Variants in CFAP70 observed in about 807,000 individuals in gnomAD.
CFAP70 encodes the protein cilia and flagella associated protein 70.
Under a neutral mutation model 137.6 loss-of-function variants are expected in CFAP70, and 81 were observed. The observed-to-expected ratio is 0.59, with a 90% CI of 0.49 to 0.71. The LOEUF (loss-of-function observed/expected upper bound fraction) is 0.71, where lower values mean the gene tolerates loss of function less well. Among genes scored for constraint, CFAP70 ranks in the 30% least tolerant of loss-of-function variants. The pLI is 0.00. For synonymous variants in CFAP70, 382 were observed against 423.6 expected, an observed-to-expected ratio of 0.90 and a Z score of 1.20; for missense variants, 976 against 1,226.7, an observed-to-expected ratio of 0.80 and a Z score of 3.05.
At chr10:73,330,691 C>T (rs1337717421) in intron 8 of CFAP70, among the ~76,000 whole-genome samples, 1 of 151,960 alleles carries the variant, frequency 6.6e-6, no homozygotes, top group Non-Finnish European at 1.5e-5. Flanking sequence ...TACTACATGA[C>T]CCCTACTCTC....
At chr10:73,254,935 A>T (rs1480870821) in intron 26 of CFAP70, among the ~76,000 whole-genome samples, 2 of 152,292 alleles carry the variant, frequency 1.3e-5, no homozygotes, top group East Asian at 3.9e-4. Context: ...TGTTTAAACC[A>T]CTGTCTTTCA....
intron 12 of CFAP70, among the ~76,000 whole-genome samples, chr10:73,304,997 T>C (rs931564430): frequency 3.3e-5 from 5 of 152,236 alleles, no homozygotes; most frequent in Admixed American, 1.3e-4. Context: ...CATTTTTACT[T>C]GCTCTTGCTC....
At chr10:73,293,427 C>A in intron 15 of CFAP70, 39 bp from the exon 17 acceptor site, 1 of 1,532,384 alleles carries the variant, frequency 6.5e-7, no homozygotes. Flanking sequence ...AAAAATGAAA[C>A]AATTACAAGT....
upstream of CFAP70, among the ~76,000 whole-genome samples, chr10:73,359,909 C>A (rs1361222348): frequency 6.6e-6 from 1 of 151,822 alleles, no homozygotes; most frequent in African/African-American, 2.4e-5. Flanking sequence ...AAAAAACACA[C>A]ACACACACAC....
At chr10:73,317,949 T>C (rs1161538834) in intron 9 of CFAP70, among the ~76,000 whole-genome samples, 1 of 152,172 alleles carries the variant, frequency 6.6e-6, no homozygotes, top group Non-Finnish European at 1.5e-5. Flanking sequence ...GAGATCTGCT[T>C]GTTAAAAAGT....
At chr10:73,288,430 A>G (rs1166034642) in intron 19 of CFAP70, among the ~76,000 whole-genome samples, 20 of 152,180 alleles carry the variant, frequency 1.3e-4, no homozygotes, top group Admixed American at 1.3e-3. Context: ...CCTGTCTAAT[A>G]TATCTCAGGT....
At chr10:73,274,346 A>G (rs1232062718) in intron 23 of CFAP70, 87 bp downstream of exon 24, 2 of 1,356,664 alleles carry the variant, frequency 1.5e-6, no homozygotes, top group East Asian at 2.6e-5. Flanking sequence ...TTATATTACT[A>G]GTTTTAGTCC....
intron 19 of CFAP70, among the ~76,000 whole-genome samples, chr10:73,282,365 T>C (rs1294923019): frequency 6.6e-6 from 1 of 151,576 alleles, no homozygotes; most frequent in Non-Finnish European, 1.5e-5. Flanking sequence ...AAAACATGAA[T>C]GTCACACACA....
chr10:73,345,380 G>A (rs2053617878), intron 4 of CFAP70, 136 bp from the exon 6 acceptor site: 2 of 786,784 alleles, frequency 2.5e-6, no homozygotes, highest in Admixed American at 5.5e-5. Context: ...TTGAAACCAT[G>A]TTCTCTAAGT....
upstream of CFAP70, among the ~76,000 whole-genome samples, chr10:73,362,653 C>A (rs1178703096): frequency 6.6e-6 from 1 of 152,056 alleles, no homozygotes; most frequent in Non-Finnish European, 1.5e-5. Flanking sequence ...GAATTTATTA[C>A]TTCTAGCAGT....
intron 4 of CFAP70, among the ~76,000 whole-genome samples, chr10:73,346,422 G>C (rs1277414865): frequency 6.6e-6 from 1 of 151,754 alleles, no homozygotes; most frequent in Non-Finnish European, 1.5e-5. Flanking sequence ...TATTACCTGA[G>C]GTCAGGAGTT....
chr10:73,257,003 A>G (rs2044590645), intron 25 of CFAP70, among the ~76,000 whole-genome samples: 1 of 151,916 alleles, frequency 6.6e-6, no homozygotes, highest in Admixed American at 6.6e-5. Context: ...ACCATGAGTC[A>G]TTTGTTCCTC....
At chr10:73,358,698 G>A (rs2054868256) in intron 1 of CFAP70, 80 bp downstream of exon 1, 2 of 152,524 alleles carry the variant, frequency 1.3e-5, no homozygotes, top group Admixed American at 6.5e-5. Context: ...TTCTTCAGGA[G>A]GGATCACTGT....
At chr10:73,350,778 C>T (rs2054130444) in intron 3 of CFAP70, among the ~76,000 whole-genome samples, 1 of 151,638 alleles carries the variant, frequency 6.6e-6, no homozygotes, top group Non-Finnish European at 1.5e-5. Context: ...GTTTGTTTTT[C>T]AAGACCAGGT....
intron 19 of CFAP70, among the ~76,000 whole-genome samples, chr10:73,289,826 G>A (rs1286017702): frequency 1.3e-5 from 2 of 151,904 alleles, no homozygotes; most frequent in East Asian, 3.9e-4. Flanking sequence ...CAGGCAGATT[G>A]CCTGAGGTCA....
chr10:73,354,894 A>C (rs1205658598), intron 1 of CFAP70, 59 bp from the exon 2 acceptor site: 1 of 995,358 alleles, frequency 1.0e-6, no homozygotes, highest in African/African-American at 1.6e-5. Flanking sequence ...AAGTACCCAT[A>C]TTCCATCATA....
At chr10:73,323,581 G>T (rs1401177406) in intron 8 of CFAP70, among the ~76,000 whole-genome samples, 5 of 152,210 alleles carry the variant, frequency 3.3e-5, no homozygotes, top group African/African-American at 1.2e-4. Context: ...TCAAAGAAAG[G>T]GGTGACAGAC....
At chr10:73,304,632 T>A (rs765495828) in intron 12 of CFAP70, among the ~76,000 whole-genome samples, 1 of 152,140 alleles carries the variant, frequency 6.6e-6, no homozygotes, top group Non-Finnish European at 1.5e-5. Flanking sequence ...TAGTCTCATA[T>A]ATCATTTATA....
exon 27 of CFAP70, chr10:73,254,007 C>G (rs2044208461): frequency 6.2e-7 from 1 of 1,606,020 alleles, no homozygotes; most frequent in Non-Finnish European, 8.5e-7. Flanking sequence ...CCAACTGTTT[C>G]CTGTAGTGTG....
Sources: allele counts gnomAD v4.1 joint callset (sites outside exome capture counted in the v4.1 genomes callset), GRCh38; gene constraint gnomAD v4.1.1; transcripts MANE v1.5; gene names NCBI Gene and HGNC (gene_info 2026-07-23, HGNC 2026-07-21).